Variants in PTPRN2 observed in about 807,000 individuals in gnomAD.
PTPRN2 encodes the protein protein tyrosine phosphatase receptor type N2.
In PTPRN2, 74 loss-of-function variants were observed where a neutral mutation model predicts 118.8. The ratio of observed to expected loss-of-function variants is 0.62; its 90% CI spans 0.52 to 0.76. The LOEUF (loss-of-function observed/expected upper bound fraction) is 0.76. Ranked by LOEUF, PTPRN2 falls within the 30% of genes least tolerant of loss-of-function variation. The pLI, the probability that PTPRN2 is intolerant of heterozygous loss-of-function variation, is 0.00. For missense variants in PTPRN2, 1,481 were observed against 1,394.4 expected, an observed-to-expected ratio of 1.06 and a Z score of -0.99; for synonymous variants, 641 against 608.0, an observed-to-expected ratio of 1.05 and a Z score of -0.80.
chr7:157,962,787 C>T (rs890454862), intron 11 of PTPRN2, among the ~76,000 whole-genome samples: 21 of 152,150 alleles, frequency 1.4e-4, no homozygotes, highest in Non-Finnish European at 3.1e-4. Context: ...TCAGCCTCAC[C>T]CCAGAAGGAA....
At chr7:158,514,516 G>A (rs942097180) in intron 1 of PTPRN2, among the ~76,000 whole-genome samples, 2 of 152,284 alleles carry the variant, frequency 1.3e-5, no homozygotes, top group Middle Eastern at 3.4e-3. Flanking sequence ...CACTTAGGGT[G>A]TCCCTGTGAG....
At chr7:158,330,022 C>T (rs1804047842) in intron 2 of PTPRN2, among the ~76,000 whole-genome samples, 1 of 151,438 alleles carries the variant, frequency 6.6e-6, no homozygotes, top group African/African-American at 2.4e-5. Flanking sequence ...CACACTCTCA[C>T]CATAAGAGGT....
intron 2 of PTPRN2, among the ~76,000 whole-genome samples, chr7:158,327,403 A>G (rs962471955): frequency 6.6e-6 from 1 of 151,816 alleles, no homozygotes; most frequent in African/African-American, 2.4e-5. Context: ...ATGCTCACAC[A>G]TGCTCACACA....
intron 4 of PTPRN2, among the ~76,000 whole-genome samples, chr7:158,194,276 A>G (rs1358530760): frequency 6.6e-6 from 1 of 152,234 alleles, no homozygotes; most frequent in Non-Finnish European, 1.5e-5. Context: ...GACACAGACC[A>G]AAGAGCTTTT....
At chr7:158,178,020 AC>A (rs1824367031) in intron 5 of PTPRN2, among the ~76,000 whole-genome samples, 1 of 152,192 alleles carries the variant, frequency 6.6e-6, no homozygotes, top group Non-Finnish European at 1.5e-5. Flanking sequence ...CCTTGCCAAT[AC>A]ATAGGATGGT....
intron 3 of PTPRN2, among the ~76,000 whole-genome samples, chr7:158,248,321 C>T (rs182993585): frequency 3.3e-5 from 5 of 152,276 alleles, no homozygotes; most frequent in East Asian, 1.9e-4. Context: ...CAAGCACCTG[C>T]GTACCCCAAG....
intron 12 of PTPRN2, among the ~76,000 whole-genome samples, chr7:157,709,570 C>T (rs543292600): frequency 2.8e-4 from 43 of 152,214 alleles, no homozygotes; most frequent in Non-Finnish European, 5.7e-4. Flanking sequence ...CTGCGAGCCC[C>T]CCAGCTCTGT....
At chr7:158,019,949 C>T (rs1364497142) in intron 11 of PTPRN2, among the ~76,000 whole-genome samples, 1 of 152,256 alleles carries the variant, frequency 6.6e-6, no homozygotes, top group Non-Finnish European at 1.5e-5. Flanking sequence ...GATCCCAGAC[C>T]CTGCTCCTCA....
chr7:158,072,224 T>G (rs1811997617), intron 11 of PTPRN2, among the ~76,000 whole-genome samples: 1 of 152,110 alleles, frequency 6.6e-6, no homozygotes, highest in Non-Finnish European at 1.5e-5. Context: ...TCTTGTCCAA[T>G]AATGCAAATA....
At chr7:158,312,775 A>C (rs79558128) in intron 3 of PTPRN2, among the ~76,000 whole-genome samples, 1 of 87,492 alleles carries the variant, frequency 1.1e-5, no homozygotes, top group South Asian at 4.4e-4. Context: ...GTAGATACCC[A>C]CACACGCACA....
chr7:158,483,313 T>TG (rs1373524044), intron 2 of PTPRN2, among the ~76,000 whole-genome samples: 4 of 152,206 alleles, frequency 2.6e-5, no homozygotes, highest in Non-Finnish European at 5.9e-5. Flanking sequence ...TTGAGGGCTA[T>TG]GGGGGTGTCT....
chr7:157,870,403 G>T (rs542913791), intron 12 of PTPRN2, among the ~76,000 whole-genome samples: 3 of 152,124 alleles, frequency 2.0e-5, no homozygotes, highest in Admixed American at 6.5e-5. Flanking sequence ...GATTTCTTTG[G>T]GGTGTTGTCC....
At chr7:157,639,548 A>G (rs1804545056) in intron 14 of PTPRN2, among the ~76,000 whole-genome samples, 1 of 152,266 alleles carries the variant, frequency 6.6e-6, no homozygotes, top group African/African-American at 2.4e-5. Flanking sequence ...AGCCTTTCAC[A>G]GAATTAAGGG....
chr7:157,816,945 G>A (rs957446703), intron 12 of PTPRN2, among the ~76,000 whole-genome samples: 2 of 152,186 alleles, frequency 1.3e-5, no homozygotes, highest in African/African-American at 4.8e-5. Context: ...TCTAACAGGG[G>A]TCCCCACATC....
chr7:158,166,658 G>A (rs1272217262), intron 6 of PTPRN2, among the ~76,000 whole-genome samples: 7 of 150,588 alleles, frequency 4.6e-5, no homozygotes, highest in East Asian at 2.0e-4. Flanking sequence ...CCTCAGCAGC[G>A]CCTTCTCCAT....
intron 15 of PTPRN2, among the ~76,000 whole-genome samples, chr7:157,605,058 C>T (rs1003878674): frequency 9.9e-5 from 15 of 152,226 alleles, no homozygotes; most frequent in Non-Finnish European, 1.5e-4. Flanking sequence ...TCTCTGTGGC[C>T]GGTGGCGCCT....
chr7:158,185,920 CTTTT>C, intron 5 of PTPRN2, among the ~76,000 whole-genome samples: 1 of 152,178 alleles, frequency 6.6e-6, no homozygotes, highest in South Asian at 2.1e-4. Context: ...TTCAACAGAT[CTTTT>C]TCCACCATGC....
intron 2 of PTPRN2, among the ~76,000 whole-genome samples, chr7:158,327,585 T>C (rs1047779744): frequency 1.3e-5 from 2 of 152,236 alleles, no homozygotes; most frequent in African/African-American, 2.4e-5. Context: ...TGTTCTCATG[T>C]ACACACTCAC....
At chr7:158,049,795 G>T in intron 11 of PTPRN2, among the ~76,000 whole-genome samples, 1 of 152,050 alleles carries the variant, frequency 6.6e-6, no homozygotes, top group African/African-American at 2.4e-5. Context: ...CCCAGCTACT[G>T]GGGAGGCTGA....
Sources: gnomAD v4.1 joint callset for allele counts (sites outside exome capture counted in the v4.1 genomes callset) on GRCh38, gnomAD v4.1.1 for gene constraint, MANE v1.5 for transcripts, NCBI Gene and HGNC (gene_info 2026-07-23, HGNC 2026-07-21) for gene names.